TRAPPC9: variants seen among roughly 807,000 people sequenced by gnomAD.
TRAPPC9 encodes the protein IKK2 binding protein.
In TRAPPC9, 83 loss-of-function variants were observed where a neutral mutation model predicts 124.0. That is an observed-to-expected ratio of 0.67 (90% confidence interval 0.56 to 0.80). TRAPPC9 has a LOEUF of 0.80. Ranked by LOEUF, TRAPPC9 falls within the 30% of genes least tolerant of loss-of-function variation. The pLI is 0.00. For synonymous variants in TRAPPC9, 638 were observed against 617.5 expected (o/e 1.03, Z -0.49); for missense variants, 1,302 against 1,508.3 (o/e 0.86, Z 2.27).
intron 19 of TRAPPC9, chr8:139,916,537 G>A (rs371313047): frequency 2.6e-5 from 4 of 152,372 alleles, no homozygotes; most frequent in South Asian, 2.1e-4. Flanking sequence ...GGCACTCCGC[G>A]GCCTCCCGGG....
intron 21 of TRAPPC9, among the ~76,000 whole-genome samples, chr8:139,816,625 C>T (rs1380340727): frequency 6.8e-6 from 1 of 148,140 alleles, no homozygotes; most frequent in African/African-American, 2.5e-5. Flanking sequence ...CTCTGGGACC[C>T]AACTGCAGGT....
intron 9 of TRAPPC9, among the ~76,000 whole-genome samples, chr8:140,340,424 A>G (rs1190203344): frequency 6.6e-6 from 1 of 152,224 alleles, no homozygotes; most frequent in Admixed American, 6.5e-5. Flanking sequence ...AGGTCTCTTA[A>G]GTTAGAAAGA....
chr8:139,943,579 A>G (rs1409006538), intron 19 of TRAPPC9, among the ~76,000 whole-genome samples: 1 of 152,256 alleles, frequency 6.6e-6, no homozygotes, highest in East Asian at 1.9e-4. Context: ...ATTGACATCA[A>G]TTTGAGAGAA....
chr8:140,278,152 GGA>G (rs1289394869), intron 14 of TRAPPC9, among the ~76,000 whole-genome samples: 1 of 151,514 alleles, frequency 6.6e-6, no homozygotes, highest in Non-Finnish European at 1.5e-5. Context: ...CGCTCAGGCT[GGA>G]GAGCAGTGGC....
chr8:140,194,817 T>C (rs1214985510), intron 17 of TRAPPC9, among the ~76,000 whole-genome samples: 5 of 151,358 alleles, frequency 3.3e-5, no homozygotes, highest in Non-Finnish European at 7.4e-5. Context: ...CTCAACAACC[T>C]ATCGTACAGC....
In TRAPPC9 at chr8:140,033,658, GTTTTTTTTTTTTTTTTTTTTTTTT is replaced by G. The variant is rs776155126; in HGVS notation, c.2557-9603_2557-9580del. On this transcript the variant is annotated intron_variant, in intron 17 of 22. Transcript: ENST00000438773. ...TTGAAATGCAACTCTTCATAATGTG[GTTTTTTTTTTTTTTTTTTTTTTTT>G]TTTTTTTTTTTTTTTTTGAGACAGA... is the stretch of plus-strand genomic sequence containing the variant. Among the ~76,000 whole-genome samples, 109 of 42,396 alleles carry G rather than the reference GTTTTTTTTTTTTTTTTTTTTTTTT, an allele frequency of 2.6e-3. 1 individual carries two copies. Among genetic ancestry groups the G allele is most frequent in the South Asian group, 3.8e-3 (3 of 784 alleles). 27.8% of individuals were successfully genotyped at this position (42,396 alleles called of 152,430 possible). A position where few individuals can be genotyped will look rare whatever the true frequency, so the allele number is the denominator to read the frequency against.
chr8:140,226,985 G>A (rs2063469881), intron 16 of TRAPPC9, among the ~76,000 whole-genome samples: 1 of 152,074 alleles, frequency 6.6e-6, no homozygotes, highest in African/African-American at 2.4e-5. Context: ...CCACTCCATG[G>A]ATTCTTTATA....
intron 21 of TRAPPC9, among the ~76,000 whole-genome samples, chr8:139,833,827 G>A (rs1045434596): frequency 2.0e-5 from 3 of 152,356 alleles, no homozygotes; most frequent in East Asian, 1.9e-4. Context: ...GAGGGGCCGG[G>A]AATGAACTTG....
At chr8:140,394,951 C>A (rs750978555) in intron 7 of TRAPPC9, among the ~76,000 whole-genome samples, 1 of 152,148 alleles carries the variant, frequency 6.6e-6, no homozygotes. Flanking sequence ...CTGAACCCCA[C>A]GTAGGTCCCC....
intron 17 of TRAPPC9, among the ~76,000 whole-genome samples, chr8:140,221,136 G>A (rs893543029): frequency 3.3e-5 from 5 of 152,192 alleles, no homozygotes; most frequent in Non-Finnish European, 5.9e-5. Context: ...GTAAACATCC[G>A]AACTGAGGTA....
intron 17 of TRAPPC9, among the ~76,000 whole-genome samples, chr8:140,032,264 G>C (rs757463000): frequency 6.6e-6 from 1 of 152,180 alleles, no homozygotes; most frequent in South Asian, 2.1e-4. Flanking sequence ...GAGATGGCTT[G>C]CTCCCACCTC....
intron 17 of TRAPPC9, among the ~76,000 whole-genome samples, chr8:140,047,386 G>A (rs1841674683): frequency 6.6e-6 from 1 of 152,256 alleles, no homozygotes; most frequent in African/African-American, 2.4e-5. Flanking sequence ...AATGCGAAGG[G>A]TATGGAAGTC....
intron 11 of TRAPPC9, among the ~76,000 whole-genome samples, chr8:140,298,689 C>T (rs1256954658): frequency 6.6e-6 from 1 of 152,110 alleles, no homozygotes; most frequent in Non-Finnish European, 1.5e-5. Context: ...ACGTAATGCT[C>T]TTATTGTCCC....
intron 21 of TRAPPC9, among the ~76,000 whole-genome samples, chr8:139,864,958 T>C (rs1230534100): frequency 2.0e-5 from 3 of 152,202 alleles, no homozygotes; most frequent in South Asian, 2.1e-4. Flanking sequence ...TGTCTGAACA[T>C]TGCCCGGAAG....
chr8:140,101,541 G>GT (rs11387005), intron 17 of TRAPPC9, among the ~76,000 whole-genome samples: 2,544 of 114,910 alleles, frequency 0.022, 112 homozygotes, highest in Non-Finnish European at 0.035. Context: ...TCTTTTTTTT[G>GT]TTTTTTTTTT....
At chr8:139,737,134 C>A (rs545938062) in intron 21 of TRAPPC9, among the ~76,000 whole-genome samples, 1 of 152,322 alleles carries the variant, frequency 6.6e-6, no homozygotes, top group East Asian at 1.9e-4. Context: ...GTCTGTGGCC[C>A]GCGCAGGGGC....
At chr8:140,044,719 C>T (rs896016365) in intron 17 of TRAPPC9, among the ~76,000 whole-genome samples, 2 of 152,228 alleles carry the variant, frequency 1.3e-5, no homozygotes, top group Admixed American at 6.5e-5. Context: ...AGCTTCTCGC[C>T]TCGGGGAGAA....
intron 7 of TRAPPC9, among the ~76,000 whole-genome samples, chr8:140,384,103 A>C (rs1425327647): frequency 1.3e-5 from 2 of 152,170 alleles, no homozygotes; most frequent in Non-Finnish European, 2.9e-5. Context: ...CTTTACAGAC[A>C]AGCAAATGCT....
intron 19 of TRAPPC9, among the ~76,000 whole-genome samples, chr8:139,971,764 C>CATACACACACACACAT (rs1554598203): frequency 1.1e-4 from 9 of 81,166 alleles, no homozygotes; most frequent in South Asian, 4.3e-4. Flanking sequence ...CACACACACA[C>CATACACACACACACAT]ATATATATAT....
Sources: allele counts gnomAD v4.1 joint callset (sites outside exome capture counted in the v4.1 genomes callset), GRCh38; gene constraint gnomAD v4.1.1; transcripts MANE v1.5; gene names NCBI Gene and HGNC (gene_info 2026-07-23, HGNC 2026-07-21).